Variants in CORIN observed in about 807,000 individuals in gnomAD.
CORIN encodes atrial natriuretic peptide-converting enzyme.
A neutral mutation model predicts 125.3 loss-of-function variants in CORIN; 117 were observed. That is an observed-to-expected ratio of 0.93 (90% confidence interval 0.80 to 1.09). The LOEUF is 1.09. CORIN is among the 50% of genes least tolerant of loss of function. CORIN has a pLI of 0.00. For missense variants in CORIN, 1,253 were observed against 1,306.7 expected (o/e 0.96, Z 0.63); for synonymous variants, 450 against 466.4 (o/e 0.96, Z 0.45).
chr4:47,726,133 T>C (rs1199971621), intron 5 of CORIN, among the ~76,000 whole-genome samples: 3 of 152,086 alleles, frequency 2.0e-5, no homozygotes, highest in African/African-American at 7.2e-5. Context: ...GTGAAGCAAC[T>C]GGAAGTTGCA....
intron 10 of CORIN, among the ~76,000 whole-genome samples, chr4:47,670,026 C>G (rs1316806700): frequency 6.6e-6 from 1 of 152,142 alleles, no homozygotes; most frequent in Non-Finnish European, 1.5e-5. Flanking sequence ...ATAGAAGAAC[C>G]CAGACATTTG....
chr4:47,693,591 C>T lies in CORIN; in HGVS notation c.800-508G>A, dbSNP rs192304321. Among the ~76,000 whole-genome samples, 9 of 152,160 alleles carry T rather than the reference C, an allele frequency of 5.9e-5. No homozygotes were observed. The East Asian group carries it at 1.7e-3, about 29-fold the overall frequency. On this transcript the variant is annotated intron_variant, in intron 5 of 21. Coordinates refer to ENST00000273857, the MANE Select transcript of CORIN (RefSeq NM_006587.4). ...GAACATAGCATAGAGACCCAGTGCC[C>T]TGTATTTGAAATGTATTTACTTGCC...
At chr4:47,768,964 T>C (rs1729892500) in intron 3 of CORIN, among the ~76,000 whole-genome samples, 1 of 152,106 alleles carries the variant, frequency 6.6e-6, no homozygotes, top group Non-Finnish European at 1.5e-5. Context: ...CTGGAAGTCC[T>C]AACCAGAGCA....
At chr4:47,617,346 G>A (rs1722102971) in intron 19 of CORIN, among the ~76,000 whole-genome samples, 1 of 152,202 alleles carries the variant, frequency 6.6e-6, no homozygotes, top group Non-Finnish European at 1.5e-5. Flanking sequence ...ACTAGGGAGT[G>A]ACAAGACTGA....
chr4:47,739,411 A>G (rs933354343), intron 5 of CORIN, among the ~76,000 whole-genome samples: 7 of 152,094 alleles, frequency 4.6e-5, no homozygotes, highest in African/African-American at 1.7e-4. Flanking sequence ...AGTGCTGAAA[A>G]TAAAAGACTG....
intron 1 of CORIN, among the ~76,000 whole-genome samples, chr4:47,816,860 ACACT>A (rs770447050): frequency 4.7e-5 from 7 of 148,834 alleles, no homozygotes; most frequent in Non-Finnish European, 7.5e-5. Context: ...ACACACACAC[ACACT>A]CACACACTCA....
At chr4:47,795,799 T>C (rs1034063958) in intron 2 of CORIN, among the ~76,000 whole-genome samples, 1 of 151,826 alleles carries the variant, frequency 6.6e-6, no homozygotes, top group African/African-American at 2.4e-5. Flanking sequence ...AGGCAACGGA[T>C]CTGAATAGAC....
At chr4:47,755,975 G>A (rs1260093590) in intron 4 of CORIN, among the ~76,000 whole-genome samples, 1 of 152,176 alleles carries the variant, frequency 6.6e-6, no homozygotes, top group Non-Finnish European at 1.5e-5. Flanking sequence ...TATGTGTTGG[G>A]CAGTGTTCTG....
chr4:47,684,275 T>C (rs1725417181), intron 6 of CORIN, among the ~76,000 whole-genome samples: 1 of 152,256 alleles, frequency 6.6e-6, no homozygotes, highest in South Asian at 2.1e-4. Flanking sequence ...TATGGAGTTA[T>C]TATTTCCTTT....
At chr4:47,658,293 C>A (rs564131330) in intron 12 of CORIN, among the ~76,000 whole-genome samples, 1 of 152,328 alleles carries the variant, frequency 6.6e-6, no homozygotes, top group East Asian at 1.9e-4. Flanking sequence ...ACAGGGCACA[C>A]TGGTACAGGG....
intron 10 of CORIN, among the ~76,000 whole-genome samples, chr4:47,670,603 A>C (rs565403169): frequency 6.6e-6 from 1 of 152,358 alleles, no homozygotes; most frequent in South Asian, 2.1e-4. Flanking sequence ...GTTGACGAAC[A>C]CTGTGGGAGG....
At chr4:47,670,686 C>G (rs1211315868) in intron 10 of CORIN, among the ~76,000 whole-genome samples, 2 of 152,190 alleles carry the variant, frequency 1.3e-5, no homozygotes, top group Admixed American at 1.3e-4. Context: ...CACAGGGAGG[C>G]AGGAGAGACA....
At chr4:47,710,303 C>A (rs1726778685) in intron 5 of CORIN, among the ~76,000 whole-genome samples, 1 of 152,146 alleles carries the variant, frequency 6.6e-6, no homozygotes, top group Non-Finnish European at 1.5e-5. Flanking sequence ...TGAAATGTAA[C>A]TTGTTTCTAA....
intron 4 of CORIN, among the ~76,000 whole-genome samples, chr4:47,754,540 T>C (rs1729049799): frequency 6.6e-6 from 1 of 152,138 alleles, no homozygotes; most frequent in Admixed American, 6.6e-5. Flanking sequence ...TATTCCCAAA[T>C]GAGATACAAT....
chr4:47,653,482 T>C (rs912309329), intron 13 of CORIN, 71 bp downstream of exon 13: 50 of 1,279,292 alleles, frequency 3.9e-5, no homozygotes, highest in Non-Finnish European at 5.5e-5. Context: ...AGTTTCCATT[T>C]TTAACACAGT....
chr4:47,667,756 CA>C (rs1724548738), intron 10 of CORIN, among the ~76,000 whole-genome samples: 1 of 152,150 alleles, frequency 6.6e-6, no homozygotes, highest in Admixed American at 6.5e-5. Flanking sequence ...GAGGATGAGT[CA>C]GAGTGGAGAG....
intron 1 of CORIN, among the ~76,000 whole-genome samples, chr4:47,818,941 T>C (rs942124684): frequency 2.0e-5 from 3 of 151,700 alleles, no homozygotes; most frequent in East Asian, 3.8e-4. Flanking sequence ...CTGGATATAT[T>C]GAACAGGGTA....
intron 2 of CORIN, among the ~76,000 whole-genome samples, chr4:47,794,717 C>T (rs1198455574): frequency 6.6e-6 from 1 of 152,048 alleles, no homozygotes; most frequent in Admixed American, 6.6e-5. Flanking sequence ...AGACCATACC[C>T]CATACATTTA....
chr4:47,699,578 GAC>G (rs1184648497), intron 5 of CORIN, among the ~76,000 whole-genome samples: 1 of 152,186 alleles, frequency 6.6e-6, no homozygotes, highest in Non-Finnish European at 1.5e-5. Context: ...GAATAGAACT[GAC>G]ACATTATACG....
Sources: gnomAD v4.1 joint callset for allele counts (sites outside exome capture counted in the v4.1 genomes callset) on GRCh38, gnomAD v4.1.1 for gene constraint, MANE v1.5 for transcripts, NCBI Gene and HGNC (gene_info 2026-07-23, HGNC 2026-07-21) for gene names.